Variants in KCNG3 observed in about 807,000 individuals in gnomAD.
The protein encoded by KCNG3 is voltage-gated potassium channel regulatory subunit KCNG3.
A neutral mutation model predicts 29.0 loss-of-function variants in KCNG3; 15 were observed. The ratio of observed to expected loss-of-function variants is 0.52; its 90% confidence interval spans 0.35 to 0.80. The LOEUF (loss-of-function observed/expected upper bound fraction) is 0.80. KCNG3 is among the 30% of genes least tolerant of loss of function. KCNG3 has a pLI of 0.01. For synonymous variants in KCNG3, 322 were observed against 248.9 expected (o/e 1.29, Z -2.76); for missense variants, 512 against 605.7 (o/e 0.85, Z 1.62).
the KCNG3 span, among the ~76,000 whole-genome samples, chr2:42,407,582 T>G: frequency 5.3e-5 from 8 of 152,096 alleles, no homozygotes; most frequent in African/African-American, 1.9e-4. Flanking sequence ...GCCACAGCCA[T>G]CCAAGTCATG....
At chr2:42,413,905 A>G in the KCNG3 span, 1 of 152,212 alleles carries the variant, frequency 6.6e-6, no homozygotes, top group Non-Finnish European at 1.5e-5. Context: ...TATGGGAACT[A>G]TAATTCAAGA....
intron 1 of KCNG3, among the ~76,000 whole-genome samples, chr2:42,480,295 A>G (rs1264713166): frequency 3.3e-5 from 5 of 152,146 alleles, no homozygotes; most frequent in Non-Finnish European, 1.5e-5. Context: ...AGGTACTCTC[A>G]TTATCCCCAT....
chr2:42,397,259 G>GA, the KCNG3 span, among the ~76,000 whole-genome samples: 8 of 149,224 alleles, frequency 5.4e-5, no homozygotes, highest in Non-Finnish European at 8.9e-5. Context: ...AAAAAAAAGA[G>GA]AAAAAAAAAG....
chr2:42,463,381 G>C (rs1673065997), intron 1 of KCNG3: 1 of 164,706 alleles, frequency 6.1e-6, no homozygotes, highest in Non-Finnish European at 1.3e-5. Flanking sequence ...CTGATATCCA[G>C]GCAAGCTTAA....
At chr2:42,484,559 T>TAC (rs1673675224) in intron 1 of KCNG3, among the ~76,000 whole-genome samples, 1 of 152,228 alleles carries the variant, frequency 6.6e-6, no homozygotes, top group Non-Finnish European at 1.5e-5. Context: ...TGTGTGTGTG[T>TAC]ACACGCACAT....
At chr2:42,425,398 C>CAAAAAAAA in the KCNG3 span, among the ~76,000 whole-genome samples, 1 of 82,360 alleles carries the variant, frequency 1.2e-5, no homozygotes, top group Non-Finnish European at 2.4e-5. Flanking sequence ...GACTCCGTCT[C>CAAAAAAAA]AAAAAAAAAA....
chr2:42,449,389 C>A (rs1428524343), intron 1 of KCNG3, among the ~76,000 whole-genome samples: 1 of 150,892 alleles, frequency 6.6e-6, no homozygotes, highest in African/African-American at 2.4e-5. Context: ...TACACATTGT[C>A]TATGGCTGTT....
At position 42,463,292 on chromosome 2, in the gene KCNG3, G is replaced by A. The variant is rs968360700; in HGVS notation, c.666-18713C>T. ...TAGGGTTGTACACTTTAGCCAAGAA[G>A]CAGGCATCAGGGTCCATCTGATACT... On this transcript the variant is annotated intron_variant, in intron 1 of 1. Transcript: ENST00000306078. 3.5e-5 allele frequency: 7 copies of A among 202,278 alleles called. No homozygotes were observed. The East Asian group carries it at 6.3e-4, about 18-fold the overall frequency. The allele number at this position is 202,278 out of a possible 1,614,324, so 12.5% of individuals were successfully genotyped here. A position where few individuals can be genotyped will look rare whatever the true frequency, so the allele number is the denominator to read the frequency against.
chr2:42,456,821 G>A (rs1315914041), intron 1 of KCNG3, among the ~76,000 whole-genome samples: 2 of 151,988 alleles, frequency 1.3e-5, no homozygotes, highest in African/African-American at 2.4e-5. Flanking sequence ...AACAACACAA[G>A]GCACAATAAA....
chr2:42,493,324 CGTT>C lies in KCNG3; in HGVS notation c.175_177del (p.Asn59del). ...TCCGAGTGCCGGTCGAAGAAGTACT[CGTT>C]GCGCTCGCGGTCGTAGTCGTCGCAC... On this transcript the variant is annotated inframe_deletion, in exon 1 of 2. Transcript: ENST00000306078. 1 of 1,606,598 alleles carries C rather than the reference CGTT, an allele frequency of 6.2e-7. No homozygotes were observed. Among genetic ancestry groups the C allele is most frequent in the South Asian group, 1.1e-5 (1 of 90,262 alleles).
At chr2:42,433,758 A>G in the KCNG3 span, among the ~76,000 whole-genome samples, 1 of 152,050 alleles carries the variant, frequency 6.6e-6, no homozygotes, top group African/African-American at 2.4e-5. Context: ...AAAACAAAAC[A>G]AAAAAACAAT....
At chr2:42,470,136 A>G (rs1673250821) in intron 1 of KCNG3, 1 of 439,658 alleles carries the variant, frequency 2.3e-6, no homozygotes, top group South Asian at 3.0e-5. Context: ...AGAAAGGATA[A>G]GGATGCTAAA....
Position 42,443,950 on chromosome 2 carries a change from G to A in KCNG3, c.1295C>T (p.Thr432Ile), listed in dbSNP as rs1672543169. The A allele has an allele frequency of 1.2e-6, 2 of 1,606,636 alleles. No individual in the cohort carries two copies. The highest frequency in any genetic ancestry group is 1.1e-5 in the South Asian group (1 of 89,886). ...TGCAATGCATTAATTCAGGAATTCA[G>A]TGGAGAGGCTCCTACTATACCTAGC... is the stretch of plus-strand genomic sequence containing the variant. ...RSARYSRSLS[T>I]EFLN Residue 432 changes from threonine to isoleucine, a missense_variant, in exon 2 of 2, where the codon ACT (threonine) becomes ATT (isoleucine). Transcript: ENST00000306078.
intron 1 of KCNG3, among the ~76,000 whole-genome samples, chr2:42,462,639 A>C (rs1027377406): frequency 3.3e-5 from 5 of 152,146 alleles, no homozygotes; most frequent in African/African-American, 1.2e-4. Context: ...CTGAGACTAC[A>C]GCACTGCACT....
At chr2:42,436,457 C>T in the KCNG3 span, among the ~76,000 whole-genome samples, 1 of 152,128 alleles carries the variant, frequency 6.6e-6, no homozygotes, top group Non-Finnish European at 1.5e-5. Flanking sequence ...TTTAAACTTC[C>T]CTAAAAACTC....
the KCNG3 span, among the ~76,000 whole-genome samples, chr2:42,429,888 G>C: frequency 1.3e-5 from 2 of 152,152 alleles, no homozygotes; most frequent in Non-Finnish European, 2.9e-5. Flanking sequence ...AGAGGCAGGA[G>C]GAAAGAGAAC....
At chr2:42,438,366 G>A (rs918094381), downstream of KCNG3, among the ~76,000 whole-genome samples, 2 of 151,904 alleles carry the variant, frequency 1.3e-5, no homozygotes, top group East Asian at 1.9e-4. Flanking sequence ...ATAAAATTAC[G>A]GGAAATTTTA....
the KCNG3 span, among the ~76,000 whole-genome samples, chr2:42,418,994 C>T: frequency 8.3e-4 from 126 of 152,084 alleles, no homozygotes; most frequent in Middle Eastern, 6.8e-3. Context: ...TGAAGCTTAT[C>T]CCAGCACTGC....
At chr2:42,469,001 T>C (rs969115063) in intron 1 of KCNG3, among the ~76,000 whole-genome samples, 1 of 138,636 alleles carries the variant, frequency 7.2e-6, no homozygotes, top group African/African-American at 2.6e-5. Flanking sequence ...CCTAAATCCA[T>C]AAATTTAATG....
Sources: allele counts gnomAD v4.1 joint callset (sites outside exome capture counted in the v4.1 genomes callset), GRCh38; gene constraint gnomAD v4.1.1; transcripts MANE v1.5; gene names NCBI Gene and HGNC (gene_info 2026-07-23, HGNC 2026-07-21).